PLXNA2: variants seen among roughly 807,000 people sequenced by gnomAD.
PLXNA2 encodes the protein plexin A2, also known as plexin-A2.
A neutral mutation model predicts 193.5 loss-of-function variants in PLXNA2; 91 were observed. That is an observed-to-expected ratio of 0.47 (90% CI 0.40 to 0.56). The LOEUF (loss-of-function observed/expected upper bound fraction) is 0.56. Among genes scored for constraint, PLXNA2 ranks in the 20% least tolerant of loss-of-function variants. The probability of loss-of-function intolerance (pLI) is 0.00; values close to 1 mark genes in which losing one functional copy is unlikely to be tolerated. For synonymous variants in PLXNA2, 997 were observed against 1,027.3 expected (o/e 0.97, Z 0.56); for missense variants, 1,995 against 2,503.2 (o/e 0.80, Z 4.33).
chr1:208,074,098 C>A (rs1196852633), intron 12 of PLXNA2, among the ~76,000 whole-genome samples: 3 of 152,212 alleles, frequency 2.0e-5, no homozygotes, highest in African/African-American at 4.8e-5. Context: ...TCCAAAATCC[C>A]TTTACCCTCC....
At chr1:208,198,353 C>A (rs1484798833) in intron 3 of PLXNA2, among the ~76,000 whole-genome samples, 6 of 152,208 alleles carry the variant, frequency 3.9e-5, no homozygotes, top group Admixed American at 3.3e-4. Flanking sequence ...CAGACAATGT[C>A]TTTGAAGAAG....
At position 208,142,441 on chromosome 1, in the gene PLXNA2, T is replaced by G; in HGVS notation, c.1394A>C (p.His465Pro). The change falls in exon 4 of 32, where the codon CAT (histidine) becomes CCT (proline). Residue 465 changes from histidine (H) to proline (P), a missense_variant. Physicochemically the swap from His to Pro is moderately conservative, Grantham distance 77 (BLOSUM62 -2). Around this residue, in one of 3 missense-constraint regions of PLXNA2, gnomAD observed 702 missense variants for 812.9 expected, o/e 0.86. Transcript: ENST00000367033. Reference sequence around the variant, plus strand: ...GACCATCTCGTACTGGACCCCACCATGGGGGGGACCGTCGGCCCGAATCTG... The same window carrying G: ...GACCATCTCGTACTGGACCCCACCAGGGGGGGGACCGTCGGCCCGAATCTG... ...LKKIRADGPP[H>P]GGVQYEMVSV... The G allele has an allele frequency of 1.2e-6, 2 of 1,610,846 alleles. No homozygotes were observed. Among genetic ancestry groups the G allele is most frequent in the Non-Finnish European group, 8.5e-7 (1 of 1,178,998 alleles).
At chr1:208,188,271 T>C (rs1670068867) in intron 3 of PLXNA2, among the ~76,000 whole-genome samples, 1 of 152,178 alleles carries the variant, frequency 6.6e-6, no homozygotes. Flanking sequence ...GCTGAATGCC[T>C]GCTTTAGGGT....
intron 12 of PLXNA2, among the ~76,000 whole-genome samples, chr1:208,067,090 A>G (rs1342734137): frequency 2.0e-5 from 3 of 152,222 alleles, no homozygotes; most frequent in Non-Finnish European, 4.4e-5. Context: ...CATGCCTGTA[A>G]TCCCAGCACT....
chr1:208,187,802 G>A (rs6656560), intron 3 of PLXNA2, among the ~76,000 whole-genome samples: 55,260 of 152,070 alleles, frequency 0.36, 10,250 homozygotes, highest in Middle Eastern at 0.42. Flanking sequence ...TGATGCTGCT[G>A]ATCAGATGGG....
At chr1:208,086,260 G>C (rs1666516121) in intron 9 of PLXNA2, among the ~76,000 whole-genome samples, 1 of 152,016 alleles carries the variant, frequency 6.6e-6, no homozygotes, top group African/African-American at 2.4e-5. Context: ...GCATGTCATT[G>C]CTTGTGGGAG....
chr1:208,098,467 C>CACACAG (rs1558190759), intron 6 of PLXNA2, among the ~76,000 whole-genome samples: 1 of 148,316 alleles, frequency 6.7e-6, no homozygotes, highest in Non-Finnish European at 1.5e-5. Context: ...CTCACACACA[C>CACACAG]ACACACACAC....
intron 3 of PLXNA2, among the ~76,000 whole-genome samples, chr1:208,152,084 A>G (rs576867367): frequency 6.6e-6 from 1 of 152,344 alleles, no homozygotes; most frequent in Non-Finnish European, 1.5e-5. Flanking sequence ...TTTCTTTTCT[A>G]TGGCCTGAGA....
chr1:208,026,988 A>T lies in PLXNA2; in HGVS notation c.*255T>A. ...CCAGCTCGTGCCTCTCGGCTTGAAG[A>T]ACCACCTTCTCCCGGCCCCGGGTTC... On this transcript the variant is annotated 3_prime_UTR_variant, in exon 32 of 32. Transcript: ENST00000367033. The T allele has an allele frequency of 2.5e-6, 1 of 400,940 alleles. No individual in the cohort carries two copies. Among genetic ancestry groups the T allele is most frequent in the Non-Finnish European group, 4.5e-6 (1 of 219,782 alleles). The allele number at this position is 400,940 out of a possible 1,614,324, so 24.8% of individuals were successfully genotyped here.
At chr1:208,089,302 G>A (rs979113907) in intron 9 of PLXNA2, among the ~76,000 whole-genome samples, 8 of 152,200 alleles carry the variant, frequency 5.3e-5, no homozygotes, top group African/African-American at 1.9e-4. Context: ...AAAGGACCAG[G>A]TTGAAGTCAG....
At chr1:208,032,896 C>T (rs556936115) in intron 28 of PLXNA2, among the ~76,000 whole-genome samples, 56 of 152,306 alleles carry the variant, frequency 3.7e-4, no homozygotes, top group Non-Finnish European at 7.4e-4. Flanking sequence ...AGAGTTACTC[C>T]TCTGAAGTGA....
chr1:208,210,068 G>A (rs959403722), intron 3 of PLXNA2: 6 of 382,178 alleles, frequency 1.6e-5, no homozygotes, highest in African/African-American at 1.4e-4. Context: ...AAATACGCTT[G>A]CATTCCTTAC....
intron 4 of PLXNA2, among the ~76,000 whole-genome samples, chr1:208,117,941 G>A (rs1026787061): frequency 2.0e-5 from 3 of 152,168 alleles, no homozygotes; most frequent in African/African-American, 7.2e-5. Flanking sequence ...CTGGAGTGAC[G>A]AAAGGCCTTT....
Position 208,038,244 on chromosome 1 carries a change from T to C in PLXNA2, c.4764+127A>G, listed in dbSNP as rs1664736730. The C allele has an allele frequency of 2.8e-6, 2 of 704,414 alleles. No homozygotes were observed. Among genetic ancestry groups the C allele is most frequent in the East Asian group, 2.6e-5 (1 of 39,046 alleles). The allele number at this position is 704,414 out of a possible 1,614,324, so 43.6% of individuals were successfully genotyped here. On this transcript the variant is annotated intron_variant, in intron 26 of 31. Coordinates refer to ENST00000367033, the MANE Select transcript of PLXNA2 (RefSeq NM_025179.4). This position sits in a 1 kb window ranked among gnomAD's most constrained non-coding sequence, Gnocchi z 4.1. ...GCCATGGCTAAGAATCCCTGTTCTA[T>C]GCTCCAGCAGGAGGAGGAAAGCAGG... is the stretch of plus-strand genomic sequence containing the variant.
rs1011498868 is a variant in PLXNA2, at chr1:208,052,387, T to A, written c.2933A>T (p.Tyr978Phe). ...TGCCACGCTGCTCCCAGCCCCAAGG[T>A]AATGGCCGGTAATGGTCACCATAGT... ...GGTMVTITGH[Y>F]LGAGSSVAVY... is the part of the protein sequence containing the mutation. The change falls in exon 15 of 32, where the codon TAC (tyrosine) becomes TTC (phenylalanine). Residue 978 changes from tyrosine (Y) to phenylalanine (F), a missense_variant. This residue lies in a region of PLXNA2 where 1,291 missense variants were observed against 1,673.6 expected (regional missense o/e 0.77). Transcript: ENST00000367033. 3 of 1,613,856 alleles carry A rather than the reference T, an allele frequency of 1.9e-6. No individual in the cohort carries two copies. The highest frequency in any genetic ancestry group is 2.5e-6 in the Non-Finnish European group (3 of 1,179,986).
Position 208,080,752 on chromosome 1 carries a change from G to T in PLXNA2, c.2396-1302C>A, listed in dbSNP as rs554133502. 7.9e-5 allele frequency among the ~76,000 whole-genome samples: 12 copies of T among 152,256 alleles called. No homozygotes were observed. The South Asian group carries it at 1.9e-3, about 24-fold the overall frequency. ...GAGCATCTATAAATATGTACCACAT[G>T]GTTCATACCCATGAGCTCATTTGAT... On this transcript the variant is annotated intron_variant, in intron 11 of 31. Transcript: ENST00000367033.
chr1:208,167,789 A>G (rs941886456), intron 3 of PLXNA2, among the ~76,000 whole-genome samples: 2 of 152,200 alleles, frequency 1.3e-5, no homozygotes, highest in Non-Finnish European at 2.9e-5. Flanking sequence ...AGCAGCCCAA[A>G]TACCAATTCC....
intron 22 of PLXNA2, among the ~76,000 whole-genome samples, chr1:208,040,675 GT>G (rs1445433827): frequency 6.6e-6 from 1 of 152,216 alleles, no homozygotes; most frequent in African/African-American, 2.4e-5. Flanking sequence ...TGTTGTCAGG[GT>G]TGAATGAGTT....
In PLXNA2 at chr1:208,136,634, G is replaced by A. The variant is rs1425992505; in HGVS notation, c.1506+5695C>T. ...ATATTGAGGGGAGCGGGACTGTTTAGTCTGCCAGGCACATTCCTGGATTTT... is the reference window on the plus strand; with the variant it reads ...ATATTGAGGGGAGCGGGACTGTTTAATCTGCCAGGCACATTCCTGGATTTT... On this transcript the variant is annotated intron_variant, in intron 4 of 31. Coordinates refer to ENST00000367033, the MANE Select transcript of PLXNA2 (RefSeq NM_025179.4). Among the ~76,000 whole-genome samples the A allele has an allele frequency of 5.3e-5, 8 of 152,326 alleles. No individual in the cohort carries two copies. In the East Asian group the frequency reaches 1.3e-3, roughly 26 times the overall value.
Sources: gnomAD v4.1 joint callset for allele counts (sites outside exome capture counted in the v4.1 genomes callset) on GRCh38, gnomAD v4.1.1 for gene constraint, gnomAD v4.1.1 regional missense constraint, Gnocchi (gnomAD v3.1) non-coding constraint, MANE v1.5 for transcripts, NCBI Gene and HGNC (gene_info 2026-07-23, HGNC 2026-07-21) for gene names.